The following EPHB1 variants were observed in gnomAD, a reference collection of about 807,000 sequenced individuals.
EPHB1 encodes the protein EPH receptor B1.
EPHB1 carries 30 observed loss-of-function variants against 94.4 expected under a neutral mutation model. The ratio of observed to expected loss-of-function variants is 0.32; its 90% CI spans 0.24 to 0.43. EPHB1 has a LOEUF of 0.43. Among genes scored for constraint, EPHB1 ranks in the 20% least tolerant of loss-of-function variants. EPHB1 has a pLI of 1.00. For missense variants in EPHB1, 1,055 were observed against 1,308.3 expected, an observed-to-expected ratio of 0.81 and a Z score of 2.99; for synonymous variants, 522 against 489.1, an observed-to-expected ratio of 1.07 and a Z score of -0.89.
chr3:135,100,195 C>T, intron 3 of EPHB1, among the ~76,000 whole-genome samples: 1 of 152,184 alleles, frequency 6.6e-6, no homozygotes, highest in South Asian at 2.1e-4. Flanking sequence ...CGGTGTAGCT[C>T]TGACCCCCTA....
At chr3:135,005,701 G>A (rs1277305322) in intron 3 of EPHB1, among the ~76,000 whole-genome samples, 6 of 152,194 alleles carry the variant, frequency 3.9e-5, no homozygotes, top group Non-Finnish European at 8.8e-5. Context: ...GCAGTATTCG[G>A]GTGGGAGTGT....
intron 3 of EPHB1, among the ~76,000 whole-genome samples, chr3:134,957,213 T>C (rs1178039816): frequency 1.3e-5 from 2 of 152,108 alleles, no homozygotes; most frequent in Non-Finnish European, 2.9e-5. Flanking sequence ...GTTGCCTCCT[T>C]CTGAGATGGT....
chr3:135,027,696 G>T (rs1486678434), intron 3 of EPHB1, among the ~76,000 whole-genome samples: 1 of 150,376 alleles, frequency 6.6e-6, no homozygotes, highest in Non-Finnish European at 1.5e-5. Context: ...TTTTTTGGTT[G>T]TGTCTCTGCC....
intron 5 of EPHB1, among the ~76,000 whole-genome samples, chr3:135,134,835 C>G (rs1388738016): frequency 1.3e-5 from 2 of 152,128 alleles, no homozygotes; most frequent in African/African-American, 4.8e-5. Context: ...TGTCTTTTCT[C>G]TCTCTCTAAG....
At chr3:135,228,337 A>G (rs1420167784) in intron 12 of EPHB1, among the ~76,000 whole-genome samples, 1 of 152,158 alleles carries the variant, frequency 6.6e-6, no homozygotes, top group East Asian at 1.9e-4. Context: ...TGTGTTGCCT[A>G]AGTGACAGTG....
At chr3:135,255,107 T>A (rs1233176208) in intron 15 of EPHB1, among the ~76,000 whole-genome samples, 1 of 152,120 alleles carries the variant, frequency 6.6e-6, no homozygotes, top group Admixed American at 6.5e-5. Context: ...TCCTCTCTCT[T>A]TTTTTATTAG....
At chr3:135,100,377 A>G (rs1938993259) in intron 3 of EPHB1, among the ~76,000 whole-genome samples, 1 of 152,162 alleles carries the variant, frequency 6.6e-6, no homozygotes, top group African/African-American at 2.4e-5. Context: ...ATATCAAGAA[A>G]AATTGTGAGA....
At chr3:134,944,729 C>T (rs2039183483) in intron 2 of EPHB1, among the ~76,000 whole-genome samples, 1 of 151,698 alleles carries the variant, frequency 6.6e-6, no homozygotes, top group Non-Finnish European at 1.5e-5. Flanking sequence ...GTGGTGGCTG[C>T]AGTTGATAAC....
At chr3:135,127,860 G>A (rs1253328038) in intron 4 of EPHB1, among the ~76,000 whole-genome samples, 1 of 152,118 alleles carries the variant, frequency 6.6e-6, no homozygotes, top group African/African-American at 2.4e-5. Flanking sequence ...GCTCCATGCA[G>A]GCTAAGCCAA....
chr3:134,921,270 C>T (rs1172089641), intron 1 of EPHB1, among the ~76,000 whole-genome samples: 1 of 152,160 alleles, frequency 6.6e-6, no homozygotes. Flanking sequence ...CGTCTCTGTC[C>T]CAAGAGGCAG....
At chr3:134,979,329 C>A (rs1405104356) in intron 3 of EPHB1, among the ~76,000 whole-genome samples, 3 of 152,122 alleles carry the variant, frequency 2.0e-5, no homozygotes, top group Non-Finnish European at 4.4e-5. Flanking sequence ...TGGCACGTTT[C>A]AGTTCTTTCT....
chr3:135,111,441 T>C (rs746334204), intron 4 of EPHB1, among the ~76,000 whole-genome samples: 56 of 152,078 alleles, frequency 3.7e-4, no homozygotes, highest in Non-Finnish European at 6.2e-4. Context: ...AGAAAGGCCA[T>C]TGGGTGAATT....
At chr3:135,206,484 G>A (rs964012332) in intron 12 of EPHB1, among the ~76,000 whole-genome samples, 7 of 151,982 alleles carry the variant, frequency 4.6e-5, no homozygotes, top group South Asian at 2.1e-4. Context: ...ATGCTCAACC[G>A]TGTTGTCCTG....
intron 1 of EPHB1, among the ~76,000 whole-genome samples, chr3:134,910,456 A>T (rs1266349251): frequency 6.6e-6 from 1 of 152,172 alleles, no homozygotes; most frequent in Non-Finnish European, 1.5e-5. Context: ...GGTGAGGAGG[A>T]TATTTATGGC....
At chr3:135,154,582 T>C (rs1328974023) in intron 6 of EPHB1, among the ~76,000 whole-genome samples, 1 of 152,212 alleles carries the variant, frequency 6.6e-6, no homozygotes, top group African/African-American at 2.4e-5. Flanking sequence ...CTAATGCAGA[T>C]GCCACAAAAC....
chr3:135,038,321 G>A (rs953413222), intron 3 of EPHB1, among the ~76,000 whole-genome samples: 1 of 152,264 alleles, frequency 6.6e-6, no homozygotes, highest in South Asian at 2.1e-4. Context: ...TGTGGCAAAA[G>A]TAACACTTTA....
chr3:135,006,248 T>C (rs1935406092), intron 3 of EPHB1, among the ~76,000 whole-genome samples: 1 of 152,150 alleles, frequency 6.6e-6, no homozygotes, highest in African/African-American at 2.4e-5. Flanking sequence ...AGGACAAATA[T>C]TGTATGATTC....
intron 4 of EPHB1, among the ~76,000 whole-genome samples, chr3:135,112,842 T>C (rs989788491): frequency 6.6e-6 from 1 of 152,054 alleles, no homozygotes; most frequent in Non-Finnish European, 1.5e-5. Flanking sequence ...TTTTAAACAG[T>C]TTTCAAAAGT....
intron 7 of EPHB1, among the ~76,000 whole-genome samples, chr3:135,165,349 T>C (rs1410358683): frequency 1.3e-5 from 2 of 152,244 alleles, no homozygotes; most frequent in African/African-American, 4.8e-5. Context: ...GAGTTCTGTC[T>C]GCCTCTATGA....
Sources: allele counts gnomAD v4.1 joint callset (sites outside exome capture counted in the v4.1 genomes callset), GRCh38; gene constraint gnomAD v4.1.1; transcripts MANE v1.5; gene names NCBI Gene and HGNC (gene_info 2026-07-23, HGNC 2026-07-21).